Variants in U2AF2 observed in about 807,000 individuals in gnomAD.
The protein encoded by U2AF2 is U2 small nuclear RNA auxiliary factor 2.
A neutral mutation model predicts 52.6 loss-of-function variants in U2AF2; 6 were observed. That is an observed-to-expected ratio of 0.11 (90% CI 0.06 to 0.23). U2AF2 has a LOEUF of 0.23. Ranked by LOEUF, U2AF2 falls within the 10% of genes least tolerant of loss-of-function variation. U2AF2 has a pLI of 1.00. For synonymous variants in U2AF2, 284 were observed against 258.2 expected (o/e 1.10, Z -0.96); for missense variants, 222 against 677.1 (o/e 0.33, Z 7.46).
chr19:55,669,821 TCTC>T (rs1984775594), intron 11 of U2AF2, 129 bp downstream of exon 11: 3 of 1,357,542 alleles, frequency 2.2e-6, no homozygotes, highest in South Asian at 1.5e-5. Flanking sequence ...TTCCTCTCTC[TCTC>T]CTCTCGCAGC....
At position 55,674,242 on chromosome 19, in the gene U2AF2, G is replaced by GGGGGGTTA; in HGVS notation, c.*178_*185dup. The GGGGGGTTA allele has an allele frequency of 2.2e-6, 1 of 455,616 alleles. No homozygotes were observed. Among genetic ancestry groups the GGGGGGTTA allele is most frequent in the Non-Finnish European group, 3.8e-6 (1 of 263,776 alleles). 28.2% of individuals were successfully genotyped at this position (455,616 alleles called of 1,614,324 possible). A position where few individuals can be genotyped will look rare whatever the true frequency, so the allele number is the denominator to read the frequency against. On this transcript the variant is annotated 3_prime_UTR_variant, in exon 12 of 12. Transcript: ENST00000308924. ...GGTGGGGGGCGGGGGTTGGGGGGTT[G>GGGGGGTTA]GGGGGTTAGGGCAGGGAGGGGACTG...
At chr19:55,659,169 T>C in intron 1 of U2AF2, 41 bp from the exon 2 acceptor site, 5 of 1,493,396 alleles carry the variant, frequency 3.3e-6, no homozygotes, top group Non-Finnish European at 4.5e-6. Flanking sequence ...CCCGCATCCT[T>C]ACTCCGCTTA....
intron 7 of U2AF2, among the ~76,000 whole-genome samples, chr19:55,665,734 C>T (rs936406421): frequency 5.3e-5 from 8 of 151,542 alleles, no homozygotes; most frequent in Non-Finnish European, 1.2e-4. Flanking sequence ...CTGCAACCTC[C>T]GCCTCCCAGG....
chr19:55,669,329 T>G (rs1240740313), intron 10 of U2AF2, 115 bp from the exon 11 acceptor site: 1 of 1,543,850 alleles, frequency 6.5e-7, no homozygotes. Context: ...GCTTTAGGTG[T>G]TGGAAGTGGA....
intron 1 of U2AF2, among the ~76,000 whole-genome samples, chr19:55,658,492 T>C (rs1983943377): frequency 6.6e-6 from 1 of 152,138 alleles, no homozygotes; most frequent in Non-Finnish European, 1.5e-5. Context: ...CTCACGCCTT[T>C]ACAGTCTCTT....
In U2AF2 at chr19:55,673,561, G is replaced by C. The variant is rs371902248; in HGVS notation, c.1294-373G>C. 5.8e-4 allele frequency among the ~76,000 whole-genome samples: 89 copies of C among 152,282 alleles called. 1 individual carries two copies. The South Asian group carries it at 0.017, about 29-fold the overall frequency. On this transcript the variant is annotated intron_variant, in intron 11 of 11. Transcript: ENST00000308924. ...GTTCACTTATTGTTGGGAGAACATG[G>C]CTGTTGGGGTGGTTCTGGGAGCGCC...
chr19:55,673,016 C>T (rs577321100), intron 11 of U2AF2, among the ~76,000 whole-genome samples: 1 of 151,670 alleles, frequency 6.6e-6, no homozygotes, highest in South Asian at 2.1e-4. Flanking sequence ...AATCTCGGCT[C>T]ACTGCATCCT....
rs750192538 is a variant in U2AF2, at chr19:55,668,485, T to C, written c.743-22T>C. 1 of 1,554,732 alleles carries C rather than the reference T, an allele frequency of 6.4e-7. No homozygotes were observed. Among genetic ancestry groups the C allele is most frequent in the Non-Finnish European group, 8.7e-7 (1 of 1,148,398 alleles). On this transcript the variant is annotated intron_variant, in intron 7 of 11. Transcript: ENST00000308924. This position sits in a 1 kb window ranked among gnomAD's most constrained non-coding sequence, Gnocchi z 5.5. Reference sequence around the variant, plus strand: ...AGATAACCTGGTACTGGAATTGAAGTCCTCCTCTTCTCTACCCATAGGGGT... The same window carrying C: ...AGATAACCTGGTACTGGAATTGAAGCCCTCCTCTTCTCTACCCATAGGGGT...
chr19:55,660,991 G>T, intron 4 of U2AF2, 47 bp from the exon 5 acceptor site: 1 of 1,533,842 alleles, frequency 6.5e-7, no homozygotes, highest in South Asian at 1.2e-5. Flanking sequence ...GGTGGTCACT[G>T]AGCATTCCCC....
intron 11 of U2AF2, 120 bp downstream of exon 11, chr19:55,669,812 TCCTC>T (rs1313616138): frequency 1.4e-5 from 19 of 1,379,792 alleles, no homozygotes; most frequent in Admixed American, 2.8e-5. Flanking sequence ...CGCTCTTTCT[TCCTC>T]TCTCTCTCCT....
At chr19:55,667,570 C>T (rs1984622443) in intron 7 of U2AF2, among the ~76,000 whole-genome samples, 1 of 152,168 alleles carries the variant, frequency 6.6e-6, no homozygotes, top group African/African-American at 2.4e-5. Context: ...TAAGCCCCCA[C>T]TCTGGTATGT....
At chr19:55,665,631 C>G (rs1242082658) in intron 7 of U2AF2, among the ~76,000 whole-genome samples, 1 of 152,192 alleles carries the variant, frequency 6.6e-6, no homozygotes, top group Non-Finnish European at 1.5e-5. Context: ...CAACGCTGGC[C>G]CACTGCCTGT....
rs756846023 is a variant in U2AF2 at position 55,661,209 on chromosome 19, C to G, written c.486+20C>G. On this transcript the variant is annotated intron_variant, in intron 5 of 11. Coordinates refer to ENST00000308924, the MANE Select transcript of U2AF2 (RefSeq NM_007279.3). The stretch of plus-strand genomic sequence containing the variant: ...ACTGAGGTACTGCCCTCCCCTGCCC[C>G]CTACCCTCTCCCTTGTCCCTCTACC... 1 of 1,566,924 alleles carries G rather than the reference C, an allele frequency of 6.4e-7. No homozygotes were observed. Among genetic ancestry groups the G allele is most frequent in the African/African-American group, 1.4e-5 (1 of 74,024 alleles).
intron 1 of U2AF2, among the ~76,000 whole-genome samples, chr19:55,657,423 C>T (rs187964643): frequency 6.6e-6 from 1 of 152,346 alleles, no homozygotes; most frequent in Non-Finnish European, 1.5e-5. Flanking sequence ...GTCCTTTCCT[C>T]TGCTACCTGT....
At position 55,662,875 on chromosome 19, in the gene U2AF2, G is replaced by A. The variant is rs572754403; in HGVS notation, c.603+257G>A. 5.9e-5 allele frequency among the ~76,000 whole-genome samples: 9 copies of A among 152,014 alleles called. No individual in the cohort carries two copies. In the East Asian group the frequency reaches 1.4e-3, roughly 23 times the overall value. ...TCTTTGGCCTTTTCCAGACCATTCC[G>A]GCCCAGTCCTCTCTGCACTCTGGCC... On this transcript the variant is annotated intron_variant, in intron 6 of 11. Transcript: ENST00000308924.
chr19:55,670,747 TG>T, intron 11 of U2AF2: 2 of 193,026 alleles, frequency 1.0e-5, no homozygotes, highest in Non-Finnish European at 2.2e-5. Context: ...TTGAGCCAGA[TG>T]GGAGGGAAGC....
At chr19:55,664,402 C>T (rs1056776566) in intron 7 of U2AF2, among the ~76,000 whole-genome samples, 1 of 152,204 alleles carries the variant, frequency 6.6e-6, no homozygotes, top group African/African-American at 2.4e-5. Flanking sequence ...AGAATGGTCT[C>T]CCTTTAGAAA....
intron 1 of U2AF2, among the ~76,000 whole-genome samples, chr19:55,656,638 T>C (rs967760614): frequency 1.3e-5 from 2 of 152,244 alleles, no homozygotes; most frequent in African/African-American, 4.8e-5. Context: ...TAGCATGTTT[T>C]ACTAAGTGGA....
intron 7 of U2AF2, among the ~76,000 whole-genome samples, chr19:55,666,830 T>G (rs2123689066): frequency 6.6e-6 from 1 of 152,352 alleles, no homozygotes; most frequent in South Asian, 2.1e-4. Flanking sequence ...CATTCTTCCT[T>G]GGACCCAGGC....
Sources: allele counts gnomAD v4.1 joint callset (sites outside exome capture counted in the v4.1 genomes callset), GRCh38; gene constraint gnomAD v4.1.1; non-coding constraint Gnocchi (gnomAD v3.1); transcripts MANE v1.5; gene names NCBI Gene and HGNC (gene_info 2026-07-23, HGNC 2026-07-21).